Variants in ACTN2 observed in about 807,000 individuals in gnomAD.
The protein encoded by ACTN2 is actinin alpha 2.
ACTN2 carries 39 observed loss-of-function variants against 113.8 expected under a neutral mutation model. The observed-to-expected ratio is 0.34, with a 90% CI of 0.27 to 0.45. ACTN2 has a LOEUF of 0.45. ACTN2 is among the 20% of genes least tolerant of loss of function. The pLI, the probability that ACTN2 is intolerant of heterozygous loss-of-function variation, is 1.00. For synonymous variants in ACTN2, 429 were observed against 444.1 expected (o/e 0.97, Z 0.43); for missense variants, 992 against 1,177.9 (o/e 0.84, Z 2.31).
intron 12 of ACTN2, among the ~76,000 whole-genome samples, chr1:236,746,165 C>CA (rs55953102): frequency 0.03 from 2,381 of 80,326 alleles, 96 homozygotes; most frequent in African/African-American, 0.091. Context: ...GACTCCATCT[C>CA]AAAAAAAAAA....
intron 19 of ACTN2, 97 bp downstream of exon 19, chr1:236,759,886 T>G (rs1191839288): frequency 3.8e-5 from 43 of 1,136,150 alleles, no homozygotes; most frequent in Non-Finnish European, 5.3e-5. Context: ...GTAGTGCATT[T>G]GGGATTGGTT....
Position 236,717,840 on chromosome 1 carries a change from GT to G in ACTN2, c.127-15del. 1.3e-6 allele frequency: 2 copies of G among 1,568,646 alleles called. No homozygotes were observed. Among genetic ancestry groups the G allele is most frequent in the Non-Finnish European group, 1.8e-6 (2 of 1,138,710 alleles). ...ATCCGATGGACCTGTGCTAAACCGT[GT>G]TTGGTTTTCTTTGCAGACCTTCACT... On this transcript the variant is annotated splice_polypyrimidine_tract_variant and intron_variant, in intron 1 of 20. Transcript: ENST00000366578.
chr1:236,735,776 T>G (rs1243631007), intron 8 of ACTN2, 56 bp downstream of exon 8: 3 of 1,443,816 alleles, frequency 2.1e-6, no homozygotes, highest in African/African-American at 2.8e-5. Context: ...GTTTTAGTTG[T>G]GTGTGCATAC....
At chr1:236,724,180 G>T (rs75473928) in intron 4 of ACTN2, among the ~76,000 whole-genome samples, 2 of 151,048 alleles carry the variant, frequency 1.3e-5, no homozygotes, top group Admixed American at 6.6e-5. Flanking sequence ...TGTGCCGCAC[G>T]TGGTGGGTGG....
Position 236,762,507 on chromosome 1 carries a change from A to G in ACTN2, c.2573A>G (p.Gln858Arg), listed in dbSNP as rs769940120. The part of the protein sequence containing the change: ...EELRRELPPD[Q>R]AQYCIKRMPA... ...CTGCGTCGGGAGCTGCCCCCGGATC[A>G]GGCCCAGTACTGCATCAAGAGGATG... Residue 858 changes from glutamine to arginine, a missense_variant, in exon 21 of 21, where the codon CAG becomes CGG. By Grantham distance (43) the Gln-to-Arg change is conservative (BLOSUM62 1). Coordinates refer to ENST00000366578, the MANE Select transcript of ACTN2 (RefSeq NM_001103.4). The G allele has an allele frequency of 6.2e-7, 1 of 1,614,196 alleles. No individual in the cohort carries two copies. The highest frequency in any genetic ancestry group is 8.5e-7 in the Non-Finnish European group (1 of 1,180,016).
In ACTN2 at chr1:236,762,749, A is replaced by G; in HGVS notation, c.*130A>G. On this transcript the variant is annotated 3_prime_UTR_variant, in exon 21 of 21. Coordinates refer to ENST00000366578, the MANE Select transcript of ACTN2 (RefSeq NM_001103.4). Reference sequence around the variant, plus strand: ...GAGGGGAAAAAAAAAAGCCTTTCGTAGTTCAGTAATTGCCAGCAATATAAC... The same window carrying G: ...GAGGGGAAAAAAAAAAGCCTTTCGTGGTTCAGTAATTGCCAGCAATATAAC... 1 of 1,205,296 alleles carries G rather than the reference A, an allele frequency of 8.3e-7. No homozygotes were observed. Among genetic ancestry groups the G allele is most frequent in the Non-Finnish European group, 1.2e-6 (1 of 845,890 alleles). 74.7% of individuals were successfully genotyped at this position (1,205,296 alleles called of 1,614,324 possible).
chr1:236,718,426 A>T (rs1464888497), intron 2 of ACTN2, among the ~76,000 whole-genome samples: 2 of 152,190 alleles, frequency 1.3e-5, no homozygotes, highest in African/African-American at 4.8e-5. Flanking sequence ...TAGAGAATGG[A>T]TCACCTTTGG....
At chr1:236,729,027 C>T (rs1658642391) in intron 6 of ACTN2, among the ~76,000 whole-genome samples, 1 of 152,118 alleles carries the variant, frequency 6.6e-6, no homozygotes, top group Non-Finnish European at 1.5e-5. Flanking sequence ...ACAAGATTCA[C>T]TAAGGCAGCA....
At chr1:236,734,425 C>A in intron 7 of ACTN2, 1 of 1,529,924 alleles carries the variant, frequency 6.5e-7, no homozygotes, top group South Asian at 1.2e-5. Context: ...CTTCTTTTCT[C>A]CACACAGATT....
At position 236,717,887 on chromosome 1, in the gene ACTN2, A is replaced by T. The variant is rs1658268389; in HGVS notation, c.156A>T (p.Leu52=). 6.2e-7 allele frequency: 1 copy of T among 1,614,080 alleles called. No homozygotes were observed. Among genetic ancestry groups the T allele is most frequent in the Non-Finnish European group, 8.5e-7 (1 of 1,179,994 alleles). The change falls in exon 2 of 21, where the codon CTA becomes CTT. Residue 52 remains leucine, a synonymous_variant. Coordinates refer to ENST00000366578, the MANE Select transcript of ACTN2 (RefSeq NM_001103.4). Reference sequence around the variant, plus strand: ...TCACTGCCTGGTGTAACTCCCACCTAAGGAAAGCCGGCACCCAGATTGAGA... The same window carrying T: ...TCACTGCCTGGTGTAACTCCCACCTTAGGAAAGCCGGCACCCAGATTGAGA... The part of the protein sequence containing the change: ...KTFTAWCNSH[L]RKAGTQIENI...
chr1:236,697,759 T>C (rs1198908485), intron 1 of ACTN2, among the ~76,000 whole-genome samples: 1 of 146,374 alleles, frequency 6.8e-6, no homozygotes, highest in Non-Finnish European at 1.5e-5. Context: ...CGAAACAAGT[T>C]CTTTTTTTTT....
chr1:236,690,312 C>T (rs909296136), intron 1 of ACTN2, among the ~76,000 whole-genome samples: 1 of 152,146 alleles, frequency 6.6e-6, no homozygotes, highest in African/African-American at 2.4e-5. Flanking sequence ...ATTTAGAGCA[C>T]AAGGTGAAGG....
At chr1:236,726,327 G>T (rs1169786629) in intron 5 of ACTN2, among the ~76,000 whole-genome samples, 1 of 152,184 alleles carries the variant, frequency 6.6e-6, no homozygotes, top group East Asian at 1.9e-4. Context: ...ATTGGGAAAA[G>T]GCAGCAGGAA....
chr1:236,734,099 G>A (rs971587135), intron 7 of ACTN2, among the ~76,000 whole-genome samples: 1 of 152,176 alleles, frequency 6.6e-6, no homozygotes, highest in African/African-American at 2.4e-5. Context: ...GTAATAGAAA[G>A]TCCTGGTGAG....
At chr1:236,744,840 G>T (rs1659180337) in intron 12 of ACTN2, 64 bp downstream of exon 12, 1 of 1,609,562 alleles carries the variant, frequency 6.2e-7, no homozygotes, top group Non-Finnish European at 8.5e-7. Flanking sequence ...GGGAGAGAAA[G>T]GCCTGCCTTG....
chr1:236,727,244 C>T (rs563342473), intron 5 of ACTN2, among the ~76,000 whole-genome samples: 3 of 152,186 alleles, frequency 2.0e-5, no homozygotes, highest in South Asian at 2.1e-4. Flanking sequence ...GTTTTTGAAG[C>T]GTCCTAAAAA....
intron 12 of ACTN2, 70 bp downstream of exon 12, chr1:236,744,846 C>T: frequency 1.2e-6 from 2 of 1,602,412 alleles, no homozygotes; most frequent in Non-Finnish European, 1.7e-6. Flanking sequence ...GAAAGGCCTG[C>T]CTTGCCTTTC....
At chr1:236,728,380 T>A (rs1658620593) in intron 6 of ACTN2, among the ~76,000 whole-genome samples, 1 of 152,112 alleles carries the variant, frequency 6.6e-6, no homozygotes, top group Non-Finnish European at 1.5e-5. Context: ...CCTGAGCTCG[T>A]GATCCGCCCG....
At chr1:236,753,758 C>T in intron 15 of ACTN2, 189 bp from the exon 16 acceptor site, 1 of 720,008 alleles carries the variant, frequency 1.4e-6, no homozygotes, top group Non-Finnish European at 2.5e-6. Flanking sequence ...CTAAATCAAG[C>T]TCATCCTGTA....
Sources: gnomAD v4.1 joint callset for allele counts (sites outside exome capture counted in the v4.1 genomes callset) on GRCh38, gnomAD v4.1.1 for gene constraint, MANE v1.5 for transcripts, NCBI Gene and HGNC (gene_info 2026-07-23, HGNC 2026-07-21) for gene names.